ZNF628: variants seen among roughly 807,000 people sequenced by gnomAD.
ZNF628 encodes the protein zinc finger protein Zec.
In ZNF628, 3 loss-of-function variants were observed where a neutral mutation model predicts 2.5. The observed-to-expected ratio is 1.19, with a 90% CI of 0.54 to 3.07. The LOEUF (loss-of-function observed/expected upper bound fraction) is 3.07, where lower values mean the gene tolerates loss of function less well. ZNF628 is among the 30% of genes most tolerant of loss of function. ZNF628 has a pLI of 0.03. For missense variants in ZNF628, 1,610 were observed against 1,517.1 expected, an observed-to-expected ratio of 1.06 and a Z score of -1.02; for synonymous variants, 861 against 717.1, an observed-to-expected ratio of 1.20 and a Z score of -3.21.
chr19:55,482,336 C>A lies in ZNF628; in HGVS notation c.1143C>A (p.Ala381=), dbSNP rs1426462288. The A allele has an allele frequency of 2.1e-6, 3 of 1,453,894 alleles. No homozygotes were observed. The African/African-American group carries it at 4.5e-5, about 22-fold the overall frequency. The allele number at this position is 1,453,894 out of a possible 1,614,324, so 90.1% of individuals were successfully genotyped here. A position where few individuals can be genotyped will look rare whatever the true frequency, so the allele number is the denominator to read the frequency against. The change falls in exon 3 of 3, where the codon GCC becomes GCA. Residue 381 remains alanine, a synonymous_variant. Transcript: ENST00000598519. ...GCCACCAGCACAGCCACGGGGCTGC[C>A]GGCGGGCAAGCGTTCCGCTGCGGCA... ...LSRHQHSHGA[A]GGQAFRCGSC...
Position 55,482,200 on chromosome 19 carries a change from A to G in ZNF628, c.1007A>G (p.Asp336Gly). 1 of 1,484,856 alleles carries G rather than the reference A, an allele frequency of 6.7e-7. No individual in the cohort carries two copies. The highest frequency in any genetic ancestry group is 8.9e-7 in the Non-Finnish European group (1 of 1,123,918). 92.0% of individuals were successfully genotyped at this position (1,484,856 alleles called of 1,614,324 possible). A position where few individuals can be genotyped will look rare whatever the true frequency, so the allele number is the denominator to read the frequency against. The change falls in exon 3 of 3, where the codon GAC (aspartate) becomes GGC (glycine). Residue 336 changes from aspartate (D) to glycine (G), a missense_variant. Physicochemically the swap from Asp to Gly is moderately conservative, Grantham distance 94 (BLOSUM62 -1). Coordinates refer to ENST00000598519, the MANE Select transcript of ZNF628 (RefSeq NM_033113.3). ...GCACCCGCCGAGGCGCCCAAGGCCG[A>G]CCAGCCACCGTCCCCTCTGCCGCAG... The part of the protein sequence containing the change: ...QEAPAEAPKA[D>G]QPPSPLPQPP...
chr19:55,482,432 G>C lies in ZNF628; in HGVS notation c.1239G>C (p.Ala413=). 7.4e-7 allele frequency: 1 copy of C among 1,353,598 alleles called. No homozygotes were observed. Among genetic ancestry groups the C allele is most frequent in the Non-Finnish European group, 9.5e-7 (1 of 1,057,316 alleles). The allele number at this position is 1,353,598 out of a possible 1,614,324, so 83.8% of individuals were successfully genotyped here. A position where few individuals can be genotyped will look rare whatever the true frequency, so the allele number is the denominator to read the frequency against. Residue 413 remains alanine, a synonymous_variant, in exon 3 of 3, where the codon GCG becomes GCC. Coordinates refer to ENST00000598519, the MANE Select transcript of ZNF628 (RefSeq NM_033113.3). ...AHQQCHVEEA[A]AGRPPPQAEA... is the part of the protein sequence containing the mutation. ...AGCAGTGCCACGTGGAAGAGGCCGC[G>C]GCCGGGCGCCCGCCCCCGCAGGCTG... is the stretch of plus-strand genomic sequence containing the variant.
chr19:55,479,738 C>G lies in ZNF628; in HGVS notation c.-77-96C>G, dbSNP rs376077756. 72 of 390,878 alleles carry G rather than the reference C, an allele frequency of 1.8e-4. 2 individuals are homozygous for G. The South Asian group carries it at 7.7e-3, about 42-fold the overall frequency. 24.2% of individuals were successfully genotyped at this position (390,878 alleles called of 1,614,324 possible). ...ATGCCTCCAGGCATTGCGGGATGTC[C>G]CCTGGGTTGAAGGCACAGTTTGTCC... On this transcript the variant is annotated intron_variant, in intron 1 of 2. Coordinates refer to ENST00000598519, the MANE Select transcript of ZNF628 (RefSeq NM_033113.3). This position sits in a 1 kb window ranked among gnomAD's most constrained non-coding sequence, Gnocchi z 5.1.
Position 55,481,871 on chromosome 19 carries a change from C to T in ZNF628, c.678C>T (p.His226=), listed in dbSNP as rs759509744. The T allele has an allele frequency of 9.0e-6, 14 of 1,553,496 alleles. No individual in the cohort carries two copies. In the East Asian group the frequency reaches 2.6e-4, roughly 29 times the overall value. Residue 226 remains histidine, a synonymous_variant, in exon 3 of 3, where the codon CAC becomes CAT. Coordinates refer to ENST00000598519, the MANE Select transcript of ZNF628 (RefSeq NM_033113.3). ...ACCTGCTGCTGCACCAGCGCACGCA[C>T]GGCGCCGCCCCCGCCCCGGGTACCG... ...SSNLLLHQRT[H]GAAPAPGTAS...
chr19:55,482,278 G>A lies in ZNF628; in HGVS notation c.1085G>A (p.Gly362Asp), dbSNP rs1464134019. 6.8e-7 allele frequency: 1 copy of A among 1,471,698 alleles called. No individual in the cohort carries two copies. The highest frequency in any genetic ancestry group is 2.4e-5 in the Admixed American group (1 of 42,174). 91.2% of individuals were successfully genotyped at this position (1,471,698 alleles called of 1,614,324 possible). ...PAPGFACLPC[G>D]KSFRTVAGLS... The stretch of plus-strand genomic sequence containing the variant: ...CCTGGCTTTGCCTGTCTGCCCTGCG[G>A]CAAGTCCTTCCGGACGGTGGCTGGG... The change falls in exon 3 of 3, where the codon GGC becomes GAC. Residue 362 changes from glycine to aspartate, a missense_variant. Gly to Asp is a moderately conservative substitution (Grantham distance 94). Around this residue, in one of 5 missense-constraint regions of ZNF628, gnomAD observed 651 missense variants for 575.6 expected, o/e 1.13. Transcript: ENST00000598519.
chr19:55,481,275 G>A lies in ZNF628; in HGVS notation c.82G>A (p.Ala28Thr). 1.3e-6 allele frequency: 2 copies of A among 1,596,386 alleles called. No homozygotes were observed. The highest frequency in any genetic ancestry group is 2.3e-5 in the East Asian group (1 of 44,024). The change falls in exon 3 of 3, where the codon GCG (alanine) becomes ACG (threonine). Residue 28 changes from alanine to threonine, a missense_variant. By Grantham distance (58) the Ala-to-Thr change is moderately conservative (BLOSUM62 0). Around this residue, in one of 5 missense-constraint regions of ZNF628, gnomAD observed 60 missense variants for 46.8 expected, o/e 1.28. Coordinates refer to ENST00000598519, the MANE Select transcript of ZNF628 (RefSeq NM_033113.3). ...AEGAGEKPGP[A>T]APAPAAQYEC... ...GGGGGCCGGGGAGAAGCCAGGCCCT[G>A]CGGCCCCTGCCCCGGCGGCCCAGTA...
chr19:55,484,099 C>T lies in ZNF628; in HGVS notation c.2906C>T (p.Pro969Leu), dbSNP rs142520212. Residue 969 changes from proline to leucine, a missense_variant, in exon 3 of 3, where the codon CCA becomes CTA. By Grantham distance (98) the Pro-to-Leu change is moderately conservative. Around this residue, in one of 5 missense-constraint regions of ZNF628, gnomAD observed 712 missense variants for 603.6 expected, o/e 1.18. Coordinates refer to ENST00000598519, the MANE Select transcript of ZNF628 (RefSeq NM_033113.3). Reference protein sequence around the residue: ...PGLTEPPATGPPGQKLLIIRS... With the variant: ...PGLTEPPATGLPGQKLLIIRS... ...CTGACGGAGCCGCCTGCCACCGGCC[C>T]ACCCGGACAGAAACTCCTCATCATC... The T allele has an allele frequency of 1.0e-4, 160 of 1,592,884 alleles. No individual in the cohort carries two copies. The highest frequency in any genetic ancestry group is 9.8e-4 in the Admixed American group (57 of 57,952).
At position 55,483,094 on chromosome 19, in the gene ZNF628, C is replaced by T. The variant is rs770081794; in HGVS notation, c.1901C>T (p.Ala634Val). The T allele has an allele frequency of 6.2e-7, 1 of 1,606,142 alleles. No individual in the cohort carries two copies. Among genetic ancestry groups the T allele is most frequent in the Non-Finnish European group, 8.5e-7 (1 of 1,179,026 alleles). The change falls in exon 3 of 3, where the codon GCC (alanine) becomes GTC (valine). Residue 634 changes from alanine to valine, a missense_variant. Physicochemically the swap from Ala to Val is moderately conservative, Grantham distance 64. Around this residue, in one of 5 missense-constraint regions of ZNF628, gnomAD observed 712 missense variants for 603.6 expected, o/e 1.18. Coordinates refer to ENST00000598519, the MANE Select transcript of ZNF628 (RefSeq NM_033113.3). ...CPICGRGFVMAAYLQRHLRTH... is the reference protein window; with the variant it reads ...CPICGRGFVMVAYLQRHLRTH... ...ATCTGCGGTCGCGGCTTCGTTATGG[C>T]CGCCTATCTGCAGCGGCACCTGAGG...
intron 2 of ZNF628, 136 bp from the exon 3 acceptor site, chr19:55,481,065 T>G (rs1454924988): frequency 3.3e-6 from 4 of 1,198,240 alleles, no homozygotes; most frequent in Non-Finnish European, 3.4e-6. Flanking sequence ...TTGGAGACCC[T>G]CATCCTAAGG....
chr19:55,482,214 C>T lies in ZNF628; in HGVS notation c.1021C>T (p.Pro341Ser). 3 of 1,475,512 alleles carry T rather than the reference C, an allele frequency of 2.0e-6. No homozygotes were observed. Among genetic ancestry groups the T allele is most frequent in the Non-Finnish European group, 2.7e-6 (3 of 1,119,958 alleles). 91.4% of individuals were successfully genotyped at this position (1,475,512 alleles called of 1,614,324 possible). Residue 341 changes from proline to serine, a missense_variant, in exon 3 of 3, where the codon CCT becomes TCT. Pro to Ser is a moderately conservative substitution (Grantham distance 74). This residue lies in a region of ZNF628 where 651 missense variants were observed against 575.6 expected (regional missense o/e 1.13). Transcript: ENST00000598519. ...EAPKADQPPS[P>S]LPQPPPPAAA... ...GCCCAAGGCCGACCAGCCACCGTCCCCTCTGCCGCAGCCCCCTCCTCCCGC... is the reference window on the plus strand; with the variant it reads ...GCCCAAGGCCGACCAGCCACCGTCCTCTCTGCCGCAGCCCCCTCCTCCCGC...
At position 55,482,494 on chromosome 19, in the gene ZNF628, C is replaced by T. The variant is rs1256732031; in HGVS notation, c.1301C>T (p.Ala434Val). ...AEVTCPQEPL[A>V]PAAPVPPPPP... ...GTGACCTGCCCCCAGGAACCGCTGGCGCCTGCCGCCCCCGTCCCGCCGCCA... is the reference window on the plus strand; with the variant it reads ...GTGACCTGCCCCCAGGAACCGCTGGTGCCTGCCGCCCCCGTCCCGCCGCCA... Residue 434 changes from alanine to valine, a missense_variant, in exon 3 of 3, where the codon GCG becomes GTG. Ala to Val is a moderately conservative substitution (Grantham distance 64). Transcript: ENST00000598519. The T allele has an allele frequency of 4.1e-6, 6 of 1,447,466 alleles. No individual in the cohort carries two copies. The South Asian group carries it at 7.0e-5, about 17-fold the overall frequency. 89.7% of individuals were successfully genotyped at this position (1,447,466 alleles called of 1,614,324 possible).
At position 55,482,133 on chromosome 19, in the gene ZNF628, CAGCCG is replaced by C; in HGVS notation, c.941_945del (p.Gln314LeufsTer107). 6.6e-7 allele frequency: 1 copy of C among 1,504,996 alleles called. No homozygotes were observed. Among genetic ancestry groups the C allele is most frequent in the Non-Finnish European group, 8.8e-7 (1 of 1,129,974 alleles). 93.2% of individuals were successfully genotyped at this position (1,504,996 alleles called of 1,614,324 possible). A position where few individuals can be genotyped will look rare whatever the true frequency, so the allele number is the denominator to read the frequency against. On this transcript the variant is annotated frameshift_variant, in exon 3 of 3. Coordinates refer to ENST00000598519, the MANE Select transcript of ZNF628 (RefSeq NM_033113.3). LOFTEE classifies it low-confidence loss of function (END_TRUNC). The stretch of plus-strand genomic sequence containing the variant: ...CAGCGAGGAGCTGCTCCTGGAGCAC[CAGCCG>C]TGCCCCGGGCCCGATGCGGCGCCCC...
At position 55,483,194 on chromosome 19, in the gene ZNF628, T is replaced by A. The variant is rs1986792864; in HGVS notation, c.2001T>A (p.Ala667=). The A allele has an allele frequency of 6.5e-7, 1 of 1,546,930 alleles. No individual in the cohort carries two copies. Reference sequence around the variant, plus strand: ...GCCCCCAGCCCCCTGCTCCACTGGCTGCTGCGCGGGCCCCGCCAGCCACCC... The same window carrying A: ...GCCCCCAGCCCCCTGCTCCACTGGCAGCTGCGCGGGCCCCGCCAGCCACCC... ...AAGPQPPAPL[A]AARAPPATQD... Residue 667 remains alanine (A), a synonymous_variant, in exon 3 of 3, where the codon GCT becomes GCA. Coordinates refer to ENST00000598519, the MANE Select transcript of ZNF628 (RefSeq NM_033113.3).
At chr19:55,481,165 C>T (rs1215508111) in intron 2 of ZNF628, 36 bp from the exon 3 acceptor site, 4 of 1,485,906 alleles carry the variant, frequency 2.7e-6, no homozygotes, top group Non-Finnish European at 1.8e-6. Context: ...TGATCCAGTG[C>T]GGGGGTGAGC....
chr19:55,482,480 C>G lies in ZNF628; in HGVS notation c.1287C>G (p.Pro429=), dbSNP rs1285002099. The G allele has an allele frequency of 4.2e-6, 6 of 1,439,346 alleles. No individual in the cohort carries two copies. The highest frequency in any genetic ancestry group is 5.4e-6 in the Non-Finnish European group (6 of 1,102,028). 89.2% of individuals were successfully genotyped at this position (1,439,346 alleles called of 1,614,324 possible). Residue 429 remains proline (P), a synonymous_variant, in exon 3 of 3, where the codon CCC becomes CCG. Transcript: ENST00000598519. ...CTGAGGCTGCGGAGGTGACCTGCCC[C>G]CAGGAACCGCTGGCGCCTGCCGCCC... ...PQAEAAEVTC[P]QEPLAPAAPV...
chr19:55,483,506 G>A lies in ZNF628; in HGVS notation c.2313G>A (p.Ala771=). 1.3e-6 allele frequency: 2 copies of A among 1,553,696 alleles called. No homozygotes were observed. The highest frequency in any genetic ancestry group is 1.7e-6 in the Non-Finnish European group (2 of 1,150,192). The change falls in exon 3 of 3, where the codon GCG becomes GCA. Residue 771 remains alanine (A), a synonymous_variant. Coordinates refer to ENST00000598519, the MANE Select transcript of ZNF628 (RefSeq NM_033113.3). ...PRAVGKAGQG[A]GVVWLPGPGG... is the part of the protein sequence containing the mutation. ...CAGTGGGGAAAGCGGGCCAGGGGGC[G>A]GGAGTGGTCTGGCTGCCAGGCCCTG...
rs1986844082 is a variant in ZNF628, at chr19:55,484,184, G to A, written c.2991G>A (p.Thr997=). The A allele has an allele frequency of 2.6e-6, 4 of 1,552,658 alleles. No individual in the cohort carries two copies. Among genetic ancestry groups the A allele is most frequent in the African/African-American group, 2.7e-5 (2 of 73,028 alleles). Residue 997 remains threonine (T), a synonymous_variant, in exon 3 of 3, where the codon ACG becomes ACA. Transcript: ENST00000598519. ...GCAACACTGGAGGAGGCACCGCCACGCTGCAGCTCCTGGCCCCACCGCCGT... is the reference window on the plus strand; with the variant it reads ...GCAACACTGGAGGAGGCACCGCCACACTGCAGCTCCTGGCCCCACCGCCGT... ...DSSNTGGGTA[T]LQLLAPPPSG... is the part of the protein sequence containing the mutation.
chr19:55,481,982 C>T lies in ZNF628; in HGVS notation c.789C>T (p.His263=). The change falls in exon 3 of 3, where the codon CAC becomes CAT. Residue 263 remains histidine, a synonymous_variant. Transcript: ENST00000598519. ...DAYLQRHLQP[H]SPPAPPAPPP... is the part of the protein sequence containing the mutation. ...ACCTGCAGCGGCACCTCCAGCCCCA[C>T]AGCCCGCCCGCGCCTCCCGCCCCGC... 2 of 1,460,690 alleles carry T rather than the reference C, an allele frequency of 1.4e-6. No homozygotes were observed. Among genetic ancestry groups the T allele is most frequent in the South Asian group, 1.3e-5 (1 of 75,730 alleles). 90.5% of individuals were successfully genotyped at this position (1,460,690 alleles called of 1,614,324 possible). A position where few individuals can be genotyped will look rare whatever the true frequency, so the allele number is the denominator to read the frequency against.
Position 55,481,782 on chromosome 19 carries a change from G to A in ZNF628, c.589G>A (p.Val197Met), listed in dbSNP as rs772642387. ...CACCAACCTGCGGCAGCACCAGCGCGTGCACACGGGCGAGCGGCCCTTCCG... is the reference window on the plus strand; with the variant it reads ...CACCAACCTGCGGCAGCACCAGCGCATGCACACGGGCGAGCGGCCCTTCCG... ...QSTNLRQHQR[V>M]HTGERPFRCP... The change falls in exon 3 of 3, where the codon GTG (valine) becomes ATG (methionine). Residue 197 changes from valine to methionine, a missense_variant. Val to Met is a conservative substitution (Grantham distance 21). Transcript: ENST00000598519. 5 of 1,607,078 alleles carry A rather than the reference G, an allele frequency of 3.1e-6. No individual in the cohort carries two copies. Among genetic ancestry groups the A allele is most frequent in the Admixed American group, 3.4e-5 (2 of 59,348 alleles).
Sources: allele counts gnomAD v4.1 joint callset, GRCh38; gene constraint gnomAD v4.1.1; regional missense constraint gnomAD v4.1.1; non-coding constraint Gnocchi (gnomAD v3.1); transcripts MANE v1.5; gene names NCBI Gene and HGNC (gene_info 2026-07-23, HGNC 2026-07-21).